Variants in TENM1 observed in about 807,000 individuals in gnomAD.
The protein encoded by TENM1 is teneurin transmembrane protein 1, also known as teneurin-1.
Under a neutral mutation model 174.8 loss-of-function variants are expected in TENM1, and 35 were observed. The ratio of observed to expected loss-of-function variants is 0.20; its 90% CI spans 0.15 to 0.27. TENM1 has a LOEUF of 0.27. TENM1 is among the 10% of genes least tolerant of loss of function. The probability of loss-of-function intolerance (pLI) is 1.00; values close to 1 mark genes in which losing one functional copy is unlikely to be tolerated. For synonymous variants in TENM1, 781 were observed against 798.7 expected (o/e 0.98, Z 0.37); for missense variants, 1,633 against 2,130.1 (o/e 0.77, Z 4.59).
At chrX:125,015,447 G>A in the TENM1 span, among the ~76,000 whole-genome samples, 1 of 111,516 alleles carries the variant, frequency 9.0e-6, no homozygotes, top group Non-Finnish European at 1.9e-5. Flanking sequence ...TTGCACCTAT[G>A]TTTCCCACTA....
chrX:124,829,117 A>G (rs760019350), intron 3 of TENM1, among the ~76,000 whole-genome samples: 1 of 112,038 alleles, frequency 8.9e-6, no homozygotes, highest in East Asian at 2.8e-4. Flanking sequence ...CAAGGCAGCT[A>G]TGCAGCCTGC....
chrX:124,621,032 G>A (rs955052329), intron 11 of TENM1, among the ~76,000 whole-genome samples: 4 of 112,059 alleles, frequency 3.6e-5, no homozygotes, highest in South Asian at 3.7e-4. Context: ...CACCTTCACC[G>A]TCAGAGACTG....
At chrX:124,683,842 A>C (rs1376222102) in intron 5 of TENM1, among the ~76,000 whole-genome samples, 2 of 111,819 alleles carry the variant, frequency 1.8e-5, no homozygotes, top group Non-Finnish European at 3.8e-5. Flanking sequence ...TCACCCCTGA[A>C]AAGGAGTCAA....
At chrX:124,641,590 TA>T (rs2051018969) in intron 11 of TENM1, among the ~76,000 whole-genome samples, 200 bp downstream of exon 14, 1 of 111,143 alleles carries the variant, frequency 9.0e-6, no homozygotes, top group African/African-American at 3.3e-5. Context: ...AGCACAGACC[TA>T]CAAGGAAAAA....
At chrX:124,525,660 C>T (rs1242585761) in intron 16 of TENM1, among the ~76,000 whole-genome samples, 1 of 111,962 alleles carries the variant, frequency 8.9e-6, no homozygotes, top group Non-Finnish European at 1.9e-5. Context: ...ACAGACAGGC[C>T]AGGCATCTTG....
intron 5 of TENM1, among the ~76,000 whole-genome samples, chrX:124,690,543 GGA>G (rs2052494233): frequency 9.3e-6 from 1 of 107,871 alleles, no homozygotes; most frequent in Non-Finnish European, 1.9e-5. Context: ...ACATATATGT[GGA>G]TTGCTACAGT....
At chrX:125,198,853 A>T in the TENM1 span, among the ~76,000 whole-genome samples, 1 of 110,155 alleles carries the variant, frequency 9.1e-6, no homozygotes, top group Admixed American at 9.8e-5. Context: ...TAAGCTGATG[A>T]ATCAGTACAG....
the TENM1 span, among the ~76,000 whole-genome samples, chrX:125,084,364 G>A: frequency 1.8e-5 from 2 of 110,280 alleles, no homozygotes; most frequent in Admixed American, 9.7e-5. Flanking sequence ...AGCTTAGAGT[G>A]TCTCCTGAAA....
chrX:125,160,297 G>C, the TENM1 span, among the ~76,000 whole-genome samples: 4,364 of 106,793 alleles, frequency 0.041, 233 homozygotes, highest in African/African-American at 0.14. Flanking sequence ...GCTGAGGCAG[G>C]TGGATCACTT....
chrX:125,120,820 C>T, the TENM1 span, among the ~76,000 whole-genome samples: 1 of 110,841 alleles, frequency 9.0e-6, no homozygotes, highest in Non-Finnish European at 1.9e-5. Context: ...ATTCTACTCA[C>T]TCAAATATTT....
intron 23 of TENM1, among the ~76,000 whole-genome samples, chrX:124,425,315 T>C (rs1222433124): frequency 8.9e-6 from 1 of 112,528 alleles, no homozygotes; most frequent in Non-Finnish European, 1.9e-5. Flanking sequence ...CATTTTCCTT[T>C]CTCTGCAACT....
rs1485137873 is a variant in TENM1 at position 124,641,092 on chromosome X, T to C, written c.2077+699A>G. ...TAGGTGGAAGTACAATAGCATCTCA[T>C]GAAGAGGAAAAGGCATGGAGAAAAG... On this transcript the variant is annotated intron_variant, in intron 11 of 31. Coordinates refer to ENST00000422452, the Ensembl canonical transcript of TENM1. 4.5e-5 allele frequency among the ~76,000 whole-genome samples: 5 copies of C among 111,020 alleles called. No homozygotes were observed. The East Asian group carries it at 8.5e-4, about 19-fold the overall frequency.
chrX:125,181,780 A>T, the TENM1 span, among the ~76,000 whole-genome samples: 1 of 110,545 alleles, frequency 9.0e-6, no homozygotes, highest in Non-Finnish European at 1.9e-5. Context: ...TTTTTCAGGG[A>T]CCTCACAAAT....
the TENM1 span, among the ~76,000 whole-genome samples, chrX:125,194,534 G>A: frequency 4.5e-5 from 5 of 111,219 alleles, no homozygotes; most frequent in East Asian, 2.8e-4. Context: ...CCCTTATCTC[G>A]TTCAGTTGAC....
At chrX:124,893,479 A>G (rs774892471) in intron 3 of TENM1, among the ~76,000 whole-genome samples, 3 of 112,502 alleles carry the variant, frequency 2.7e-5, no homozygotes, top group African/African-American at 9.7e-5. Flanking sequence ...CTAATCCAAT[A>G]ATAACAGTGA....
exon 4 of TENM1, chrX:124,737,125 C>T: frequency 8.3e-7 from 1 of 1,209,943 alleles, no homozygotes; most frequent in East Asian, 3.0e-5. Flanking sequence ...GGCACAGGTG[C>T]AGGCATGAGG....
intron 27 of TENM1, among the ~76,000 whole-genome samples, chrX:124,393,409 T>G (rs761819265): frequency 9.5e-4 from 105 of 110,111 alleles, no homozygotes; most frequent in African/African-American, 2.4e-3. Context: ...AACTGTTTTT[T>G]TTTGTGTGTG....
chrX:124,457,310 T>C lies in TENM1; in HGVS notation c.3950-3819A>G, dbSNP rs1034497540. On this transcript the variant is annotated intron_variant, in intron 22 of 31. Coordinates refer to ENST00000422452, the Ensembl canonical transcript of TENM1. ...CATAACCTGGAAGTGTGAATGGTGC[T>C]GTCTCCATTCATCAGCATTAAGCCC... Among the ~76,000 whole-genome samples the C allele has an allele frequency of 3.6e-5, 4 of 112,099 alleles. No individual in the cohort carries two copies. In the Admixed American group the frequency reaches 3.8e-4, roughly 11 times the overall value.
intron 3 of TENM1, among the ~76,000 whole-genome samples, chrX:124,838,763 C>T (rs2056440056): frequency 9.0e-6 from 1 of 111,111 alleles, no homozygotes; most frequent in East Asian, 2.8e-4. Flanking sequence ...CTCTCTCTGT[C>T]TCTCCCTCTC....
Sources: allele counts gnomAD v4.1 joint callset (sites outside exome capture counted in the v4.1 genomes callset), GRCh38; gene constraint gnomAD v4.1.1; transcripts MANE v1.5; gene names NCBI Gene and HGNC (gene_info 2026-07-23, HGNC 2026-07-21).